The following MCC variants were observed in gnomAD, a reference collection of about 807,000 sequenced individuals.
The protein encoded by MCC is colorectal mutant cancer protein.
A neutral mutation model predicts 116.2 loss-of-function variants in MCC; 90 were observed. The observed-to-expected ratio is 0.77, with a 90% CI of 0.65 to 0.92. MCC has a LOEUF of 0.92. Among genes scored for constraint, MCC ranks in the 40% least tolerant of loss-of-function variants. MCC has a pLI of 0.00. For synonymous variants in MCC, 578 were observed against 510.5 expected (o/e 1.13, Z -1.78); for missense variants, 1,516 against 1,312.2 (o/e 1.16, Z -2.40).
intron 3 of MCC, among the ~76,000 whole-genome samples, chr5:113,327,643 T>C (rs1300415607): frequency 4.0e-5 from 6 of 148,416 alleles, no homozygotes; most frequent in African/African-American, 1.2e-4. Flanking sequence ...CCAATTCTTT[T>C]GTGATCATAG....
At chr5:113,167,150 G>A (rs1041771292) in intron 3 of MCC, among the ~76,000 whole-genome samples, 1 of 152,052 alleles carries the variant, frequency 6.6e-6, no homozygotes. Flanking sequence ...GATGCGCTGT[G>A]GCAAAAAAGG....
chr5:113,275,767 G>C (rs761492556), intron 3 of MCC, among the ~76,000 whole-genome samples: 2 of 152,046 alleles, frequency 1.3e-5, no homozygotes, highest in Non-Finnish European at 2.9e-5. Context: ...AGGAGGATGC[G>C]CATAGCTTAT....
chr5:113,370,910 T>C (rs1768822332), intron 2 of MCC, among the ~76,000 whole-genome samples: 1 of 151,908 alleles, frequency 6.6e-6, no homozygotes, highest in Non-Finnish European at 1.5e-5. Flanking sequence ...AATACAGCAG[T>C]GTGAATTAGC....
chr5:113,329,246 T>C (rs1008375417), intron 3 of MCC, among the ~76,000 whole-genome samples: 7 of 152,162 alleles, frequency 4.6e-5, no homozygotes, highest in Non-Finnish European at 1.0e-4. Context: ...TCCTGTCCCT[T>C]TGTTGCAGAG....
At chr5:113,453,698 G>A (rs1771464139) in intron 1 of MCC, among the ~76,000 whole-genome samples, 1 of 152,216 alleles carries the variant, frequency 6.6e-6, no homozygotes, top group Admixed American at 6.5e-5. Context: ...AAAGATCTCT[G>A]GGGTAAGGGT....
At chr5:113,090,197 A>G (rs148764798) in intron 8 of MCC, among the ~76,000 whole-genome samples, 16 of 152,004 alleles carry the variant, frequency 1.1e-4, no homozygotes, top group African/African-American at 3.6e-4. Flanking sequence ...TCTCGGGGAG[A>G]AAAGGAAAGG....
rs151096998 is a variant in MCC at position 113,081,393 on chromosome 5, G to A, written c.1784+1467C>T. On this transcript the variant is annotated intron_variant, in intron 11 of 18. Transcript: ENST00000408903. ...CTCACAAGCTGAGGATTAAGTGGCT[G>A]TCTGCGAGAGCCCTTTGTAAGCTGT... is the stretch of plus-strand genomic sequence containing the variant. 1.6e-4 allele frequency among the ~76,000 whole-genome samples: 25 copies of A among 152,292 alleles called. 1 individual carries two copies. The East Asian group carries it at 4.1e-3, about 25-fold the overall frequency.
intron 3 of MCC, among the ~76,000 whole-genome samples, chr5:113,296,577 T>G (rs1205722923): frequency 1.3e-5 from 2 of 152,096 alleles, no homozygotes; most frequent in South Asian, 4.2e-4. Context: ...GACTGGAATG[T>G]GCAGAGCGGG....
intron 3 of MCC, among the ~76,000 whole-genome samples, chr5:113,339,438 T>TGTGTGTGTGTGTGCGC (rs145838279): frequency 0.011 from 1,598 of 149,654 alleles, 22 homozygotes; most frequent in South Asian, 0.019. Flanking sequence ...TGTGTGTGTG[T>TGTGTGTGTGTGTGCGC]GCGTGCATGT....
intron 2 of MCC, among the ~76,000 whole-genome samples, chr5:113,347,094 C>A (rs2150380791): frequency 6.6e-6 from 1 of 152,208 alleles, no homozygotes; most frequent in Middle Eastern, 3.4e-3. Flanking sequence ...AAAGGATATT[C>A]TTTAATCTGA....
At chr5:113,147,374 C>T (rs184569004) in intron 4 of MCC, among the ~76,000 whole-genome samples, 131 of 152,264 alleles carry the variant, frequency 8.6e-4, no homozygotes, top group African/African-American at 2.9e-3. Flanking sequence ...TGTGGTGATG[C>T]TAAGCAGCTT....
At chr5:113,074,541 T>C (rs947853894) in intron 11 of MCC, among the ~76,000 whole-genome samples, 1 of 150,842 alleles carries the variant, frequency 6.6e-6, no homozygotes, top group Non-Finnish European at 1.5e-5. Flanking sequence ...ATGACTTTGA[T>C]GAGTTGATAG....
At chr5:113,179,508 T>G (rs1761503855) in intron 3 of MCC, among the ~76,000 whole-genome samples, 1 of 152,202 alleles carries the variant, frequency 6.6e-6, no homozygotes, top group Non-Finnish European at 1.5e-5. Flanking sequence ...GTTCAAGATG[T>G]TCTGGCTGCC....
intron 1 of MCC, among the ~76,000 whole-genome samples, chr5:113,385,968 A>G (rs919092052): frequency 6.6e-6 from 1 of 152,154 alleles, no homozygotes; most frequent in African/African-American, 2.4e-5. Flanking sequence ...AAAAAAGAAA[A>G]ATAAAAAAGA....
chr5:113,443,955 T>C (rs1252981684), intron 1 of MCC, among the ~76,000 whole-genome samples: 2 of 151,386 alleles, frequency 1.3e-5, no homozygotes, highest in Non-Finnish European at 2.9e-5. Flanking sequence ...CCCAAGTAGC[T>C]GGGATTACAG....
chr5:113,035,339 A>T (rs1481211842), intron 17 of MCC, among the ~76,000 whole-genome samples: 1 of 152,204 alleles, frequency 6.6e-6, no homozygotes, highest in African/African-American at 2.4e-5. Flanking sequence ...CCCAGGTCCA[A>T]GTGGTCATCA....
chr5:113,134,417 T>TCATTGCTCTATGTGTCTG (rs1353523075), intron 5 of MCC, among the ~76,000 whole-genome samples: 1 of 152,178 alleles, frequency 6.6e-6, no homozygotes, highest in Non-Finnish European at 1.5e-5. Context: ...CTATTATGTT[T>TCATTGCTCTATGTGTCTG]CATTGCTCTA....
At chr5:113,382,079 G>GT (rs1769138357) in intron 2 of MCC, among the ~76,000 whole-genome samples, 1 of 152,154 alleles carries the variant, frequency 6.6e-6, no homozygotes, top group Non-Finnish European at 1.5e-5. Flanking sequence ...ACTGAAGATG[G>GT]TAAGAGTTCA....
chr5:113,395,988 T>C (rs867863289), intron 1 of MCC, among the ~76,000 whole-genome samples: 2 of 152,152 alleles, frequency 1.3e-5, no homozygotes, highest in Middle Eastern at 3.4e-3. Flanking sequence ...ATATCAACAG[T>C]CCTAAGGAAT....
Sources: gnomAD v4.1 joint callset for allele counts (sites outside exome capture counted in the v4.1 genomes callset) on GRCh38, gnomAD v4.1.1 for gene constraint, MANE v1.5 for transcripts, NCBI Gene and HGNC (gene_info 2026-07-23, HGNC 2026-07-21) for gene names.